SLIT2: variants seen among roughly 807,000 people sequenced by gnomAD.
SLIT2 encodes slit guidance ligand 2, also known as slit homolog 2 protein.
Under a neutral mutation model 185.7 loss-of-function variants are expected in SLIT2, and 41 were observed. That is an observed-to-expected ratio of 0.22 (90% confidence interval 0.17 to 0.29). SLIT2 has a LOEUF of 0.29. SLIT2 is among the 10% of genes least tolerant of loss of function. SLIT2 has a pLI of 1.00. For missense variants in SLIT2, 1,571 were observed against 1,909.0 expected, an observed-to-expected ratio of 0.82 and a Z score of 3.30; for synonymous variants, 693 against 680.2, an observed-to-expected ratio of 1.02 and a Z score of -0.29.
chr4:20,542,323 G>C (rs1351731267), intron 20 of SLIT2, among the ~76,000 whole-genome samples, 171 bp from the exon 21 acceptor site: 2 of 152,188 alleles, frequency 1.3e-5, no homozygotes, highest in Admixed American at 1.3e-4. Flanking sequence ...TCTGAAAACA[G>C]TGCTATATAG....
chr4:20,275,345 C>T (rs1560275314), intron 4 of SLIT2, among the ~76,000 whole-genome samples: 1 of 152,080 alleles, frequency 6.6e-6, no homozygotes, highest in Non-Finnish European at 1.5e-5. Context: ...GGTTTCTTAT[C>T]TGTAAAATGG....
intron 4 of SLIT2, among the ~76,000 whole-genome samples, chr4:20,436,317 A>G (rs1429750140): frequency 6.6e-6 from 1 of 152,220 alleles, no homozygotes; most frequent in Non-Finnish European, 1.5e-5. Context: ...ACAGTGCTTC[A>G]GTACATGTAC....
At chr4:20,389,656 A>G (rs1577558966) in intron 4 of SLIT2, among the ~76,000 whole-genome samples, 1 of 152,114 alleles carries the variant, frequency 6.6e-6, no homozygotes, top group Middle Eastern at 3.4e-3. Flanking sequence ...TTGAAGCTTT[A>G]GCAACCAGAG....
In SLIT2 at chr4:20,535,796, G is replaced by A. The variant is rs187707092; in HGVS notation, c.1832+2081G>A. Among the ~76,000 whole-genome samples, 46 of 152,178 alleles carry A rather than the reference G, an allele frequency of 3.0e-4. 1 individual carries two copies. Among genetic ancestry groups the A allele is most frequent in the Admixed American group, 4.6e-4 (7 of 15,292 alleles). On this transcript the variant is annotated intron_variant, in intron 18 of 36. Transcript: ENST00000504154. ...TTTCTTCTTGTAAGGATGGCAGTCC[G>A]TCAGGATGGGATCCACACAATCTCA...
At chr4:20,562,997 G>C (rs1039254768) in intron 26 of SLIT2, among the ~76,000 whole-genome samples, 4 of 151,752 alleles carry the variant, frequency 2.6e-5, no homozygotes, top group Non-Finnish European at 5.9e-5. Context: ...TCACTGGGTA[G>C]CAATAGTGGT....
intron 4 of SLIT2, among the ~76,000 whole-genome samples, chr4:20,344,872 A>C (rs1366816098): frequency 6.6e-6 from 1 of 152,170 alleles, no homozygotes; most frequent in South Asian, 2.1e-4. Flanking sequence ...TTTTGTTTAA[A>C]TATGAAAGAT....
intron 4 of SLIT2, among the ~76,000 whole-genome samples, chr4:20,463,141 A>C (rs1713912089): frequency 6.6e-6 from 1 of 152,098 alleles, no homozygotes. Context: ...TGGTAGAACT[A>C]GAATTTAATT....
At position 20,526,972 on chromosome 4, in the gene SLIT2, TA is replaced by T. The variant is rs571146599; in HGVS notation, c.1462+1803del. 1.5e-3 allele frequency among the ~76,000 whole-genome samples: 231 copies of T among 152,352 alleles called. 1 individual carries two copies. The highest frequency in any genetic ancestry group is 2.4e-3 in the Non-Finnish European group (165 of 68,042). On this transcript the variant is annotated intron_variant, in intron 15 of 36. Transcript: ENST00000504154. ...TCTTATTTCATTTTGGAGTGAAGCA[TA>T]AATCATAAGACACCAGATCCTCAGT...
intron 4 of SLIT2, among the ~76,000 whole-genome samples, chr4:20,428,690 G>A (rs1728741459): frequency 1.3e-5 from 2 of 152,098 alleles, no homozygotes; most frequent in Non-Finnish European, 2.9e-5. Context: ...CCATCTAACA[G>A]CTAGACTTTC....
At chr4:20,601,830 A>C (rs1439756288) in intron 33 of SLIT2, among the ~76,000 whole-genome samples, 1 of 152,176 alleles carries the variant, frequency 6.6e-6, no homozygotes, top group Non-Finnish European at 1.5e-5. Flanking sequence ...GTTTCCACTT[A>C]AGTTCAGTTT....
At chr4:20,564,465 G>A (rs1158859143) in intron 26 of SLIT2, among the ~76,000 whole-genome samples, 1 of 151,928 alleles carries the variant, frequency 6.6e-6, no homozygotes, top group African/African-American at 2.4e-5. Context: ...GACCTTTAGA[G>A]ATATGAGAGG....
At chr4:20,259,986 TC>T (rs1219368446) in intron 3 of SLIT2, among the ~76,000 whole-genome samples, 1 of 151,876 alleles carries the variant, frequency 6.6e-6, no homozygotes, top group Non-Finnish European at 1.5e-5. Flanking sequence ...CAAAACCATT[TC>T]TTAGGAACAT....
intron 29 of SLIT2, among the ~76,000 whole-genome samples, chr4:20,579,847 A>G (rs1277498996): frequency 1.3e-5 from 2 of 151,456 alleles, no homozygotes; most frequent in Non-Finnish European, 2.9e-5. Flanking sequence ...AAAAATTACT[A>G]TAGTTAAGAA....
At chr4:20,605,711 A>ATTT (rs560064813) in intron 33 of SLIT2, among the ~76,000 whole-genome samples, 5,989 of 131,744 alleles carry the variant, frequency 0.045, 186 homozygotes, top group Admixed American at 0.083. Context: ...ATTTTATTTT[A>ATTT]TATTTTATTT....
chr4:20,341,634 C>A (rs1006166293), intron 4 of SLIT2, among the ~76,000 whole-genome samples: 1 of 152,158 alleles, frequency 6.6e-6, no homozygotes, highest in African/African-American at 2.4e-5. Flanking sequence ...GGGAAGTATT[C>A]AGGTCTCTGC....
intron 4 of SLIT2, among the ~76,000 whole-genome samples, chr4:20,273,533 G>A (rs1032472976): frequency 9.9e-5 from 15 of 151,914 alleles, no homozygotes; most frequent in African/African-American, 2.9e-4. Flanking sequence ...ACTCTGGGAC[G>A]GCATTATAAA....
chr4:20,594,509 A>G (rs1169707403), intron 30 of SLIT2, among the ~76,000 whole-genome samples: 2 of 151,984 alleles, frequency 1.3e-5, no homozygotes, highest in Non-Finnish European at 2.9e-5. Flanking sequence ...TGTTGAGGAA[A>G]AGGTGGAGGG....
intron 11 of SLIT2, among the ~76,000 whole-genome samples, chr4:20,518,585 A>ATATATATATATATATT (rs1720510735): frequency 4.3e-5 from 1 of 23,194 alleles, no homozygotes; most frequent in East Asian, 1.6e-3. Flanking sequence ...ATATATATAT[A>ATATATATATATATATT]TATTTTTTTT....
chr4:20,521,098 A>G (rs1432448868), intron 12 of SLIT2, among the ~76,000 whole-genome samples: 3 of 152,172 alleles, frequency 2.0e-5, no homozygotes, highest in African/African-American at 7.2e-5. Context: ...GTTATTCACA[A>G]TCACTCTATC....
Sources: gnomAD v4.1 joint callset for allele counts (sites outside exome capture counted in the v4.1 genomes callset) on GRCh38, gnomAD v4.1.1 for gene constraint, MANE v1.5 for transcripts, NCBI Gene and HGNC (gene_info 2026-07-23, HGNC 2026-07-21) for gene names.